Variants in HDHD2 observed in about 807,000 individuals in gnomAD.
HDHD2 encodes haloacid dehalogenase like hydrolase domain containing 2, also known as haloacid dehalogenase-like hydrolase domain-containing protein 2.
A neutral mutation model predicts 24.8 loss-of-function variants in HDHD2; 26 were observed. The observed-to-expected ratio is 1.05, with a 90% CI of 0.77 to 1.45. The LOEUF is 1.45. HDHD2 is among the 40% of genes most tolerant of loss of function. HDHD2 has a pLI of 0.00. For synonymous variants in HDHD2, 128 were observed against 114.9 expected (o/e 1.11, Z -0.73); for missense variants, 299 against 313.4 (o/e 0.95, Z 0.35).
chr18:47,120,798 A>AT (rs1157753800), intron 4 of HDHD2, among the ~76,000 whole-genome samples: 1 of 152,124 alleles, frequency 6.6e-6, no homozygotes, highest in Admixed American at 6.6e-5. Flanking sequence ...TCTGAGCATC[A>AT]TTGTGTCTCA....
intron 3 of HDHD2, among the ~76,000 whole-genome samples, chr18:47,130,591 T>A (rs2063704782): frequency 6.6e-6 from 1 of 152,218 alleles, no homozygotes. Flanking sequence ...GGGTACTAAG[T>A]AACCAGAAGA....
At chr18:47,138,846 G>A (rs957092270) in intron 1 of HDHD2, among the ~76,000 whole-genome samples, 6 of 152,192 alleles carry the variant, frequency 3.9e-5, no homozygotes, top group South Asian at 2.1e-4. Flanking sequence ...CTGGAGGAAG[G>A]AATGCTGCAC....
intron 4 of HDHD2, among the ~76,000 whole-genome samples, chr18:47,124,829 A>G (rs1214265375): frequency 6.6e-6 from 1 of 152,046 alleles, no homozygotes; most frequent in Non-Finnish European, 1.5e-5. Flanking sequence ...GCTAATAAGT[A>G]TATGAAAAAG....
intron 4 of HDHD2, among the ~76,000 whole-genome samples, chr18:47,126,143 G>A (rs2063656119): frequency 6.6e-6 from 1 of 152,098 alleles, no homozygotes; most frequent in Admixed American, 6.5e-5. Flanking sequence ...TTAGAGTCTG[G>A]ACTTTAATTA....
chr18:47,144,224 C>T (rs1337991884), intron 1 of HDHD2, among the ~76,000 whole-genome samples: 6 of 152,230 alleles, frequency 3.9e-5, no homozygotes, highest in Non-Finnish European at 8.8e-5. Context: ...CACTATGTGA[C>T]CTTAAGTTAT....
At chr18:47,138,620 C>A (rs756690465) in intron 1 of HDHD2, among the ~76,000 whole-genome samples, 3 of 151,984 alleles carry the variant, frequency 2.0e-5, no homozygotes, top group Non-Finnish European at 4.4e-5. Context: ...TCAAAGTGGG[C>A]GAAAGAAGGA....
At chr18:47,118,249 T>C (rs188215088) in intron 4 of HDHD2, among the ~76,000 whole-genome samples, 12 of 152,212 alleles carry the variant, frequency 7.9e-5, no homozygotes, top group Non-Finnish European at 1.6e-4. Context: ...AGTAATCCCA[T>C]TAGATTACCC....
intron 6 of HDHD2, among the ~76,000 whole-genome samples, 192 bp downstream of exon 6, chr18:47,112,785 A>T (rs1026030331): frequency 1.3e-5 from 2 of 152,186 alleles, no homozygotes; most frequent in Non-Finnish European, 2.9e-5. Flanking sequence ...CTGAGCCCTG[A>T]TCTTCCTAGC....
intron 2 of HDHD2, among the ~76,000 whole-genome samples, chr18:47,135,069 T>C (rs376692888): frequency 6.6e-6 from 1 of 152,100 alleles, no homozygotes. Flanking sequence ...TGTCCACTGC[T>C]TCTCCACCTA....
At chr18:47,122,179 A>T (rs903530560) in intron 4 of HDHD2, among the ~76,000 whole-genome samples, 2 of 152,228 alleles carry the variant, frequency 1.3e-5, no homozygotes, top group African/African-American at 4.8e-5. Flanking sequence ...ATCATGGATG[A>T]ACCTCTGCAT....
At chr18:47,148,737 C>A (rs924916389) in intron 1 of HDHD2, among the ~76,000 whole-genome samples, 1 of 152,198 alleles carries the variant, frequency 6.6e-6, no homozygotes, top group Non-Finnish European at 1.5e-5. Flanking sequence ...TTCTCTTCAT[C>A]GTTTTTAAAA....
At chr18:47,150,190 GC>G (rs1217772000) in intron 1 of HDHD2, 187 bp downstream of exon 1, 1 of 152,338 alleles carries the variant, frequency 6.6e-6, no homozygotes, top group Non-Finnish European at 1.5e-5. Context: ...CACGCGCGGG[GC>G]CACTGCAAAG....
chr18:47,112,867 A>G (rs966236282), intron 6 of HDHD2, 110 bp downstream of exon 6: 233 of 830,458 alleles, frequency 2.8e-4, no homozygotes, highest in Admixed American at 2.0e-4. Flanking sequence ...TTGTGGCAGG[A>G]AGAGAATAAA....
intron 4 of HDHD2, among the ~76,000 whole-genome samples, chr18:47,117,044 G>A (rs561322428): frequency 6.6e-6 from 1 of 152,194 alleles, no homozygotes; most frequent in Admixed American, 6.5e-5. Flanking sequence ...TCTCAGGGAA[G>A]CAGTTCTTCC....
At chr18:47,124,326 T>C (rs2063635680) in intron 4 of HDHD2, among the ~76,000 whole-genome samples, 1 of 152,180 alleles carries the variant, frequency 6.6e-6, no homozygotes, top group South Asian at 2.1e-4. Flanking sequence ...GATCTTCTCA[T>C]ACTATTAAGA....
chr18:47,129,249 TG>T (rs371814616), intron 4 of HDHD2, among the ~76,000 whole-genome samples: 10 of 152,210 alleles, frequency 6.6e-5, no homozygotes, highest in African/African-American at 2.4e-4. Context: ...CAATTTATCT[TG>T]GGAAGTACAA....
intron 1 of HDHD2, among the ~76,000 whole-genome samples, chr18:47,142,881 A>C (rs917840737): frequency 1.3e-5 from 2 of 152,148 alleles, no homozygotes; most frequent in African/African-American, 4.8e-5. Flanking sequence ...ATTACTAACA[A>C]AGATTTGTTA....
chr18:47,117,322 A>G (rs980990490), intron 4 of HDHD2, among the ~76,000 whole-genome samples: 1 of 152,152 alleles, frequency 6.6e-6, no homozygotes, highest in Non-Finnish European at 1.5e-5. Flanking sequence ...AACAGTGTTG[A>G]GACGGGGGCC....
chr18:47,146,998 T>C (rs1028858818), intron 1 of HDHD2, among the ~76,000 whole-genome samples: 7 of 152,190 alleles, frequency 4.6e-5, no homozygotes, highest in African/African-American at 1.7e-4. Context: ...AACATATATG[T>C]TTTGTATACT....
Sources: allele counts gnomAD v4.1 joint callset (sites outside exome capture counted in the v4.1 genomes callset), GRCh38; gene constraint gnomAD v4.1.1; transcripts MANE v1.5; gene names NCBI Gene and HGNC (gene_info 2026-07-23, HGNC 2026-07-21).